CEP290: variants seen among roughly 807,000 people sequenced by gnomAD.
CEP290 encodes the protein centrosomal protein 290, also known as centrosomal protein of 290 kDa.
CEP290 carries 317 observed loss-of-function variants against 344.9 expected under a neutral mutation model. That is an observed-to-expected ratio of 0.92 (90% CI 0.84 to 1.01). The LOEUF is 1.01. CEP290 is among the 50% of genes least tolerant of loss of function. CEP290 has a pLI of 0.00. For missense variants in CEP290, 2,754 were observed against 2,761.4 expected (o/e 1.00, Z 0.06); for synonymous variants, 932 against 895.8 (o/e 1.04, Z -0.72).
At chr12:88,096,029 T>C (rs958877918) in intron 27 of CEP290, among the ~76,000 whole-genome samples, 1 of 143,980 alleles carries the variant, frequency 6.9e-6, no homozygotes, top group Non-Finnish European at 1.5e-5. Flanking sequence ...TAAGTATTTA[T>C]AAGTATGATG....
chr12:88,116,740 C>T (rs967222088), intron 18 of CEP290, among the ~76,000 whole-genome samples: 17 of 151,870 alleles, frequency 1.1e-4, no homozygotes, highest in African/African-American at 3.4e-4. Flanking sequence ...TTTGGGAGGC[C>T]GAGGCGGGCG....
rs2038312441 is a variant in CEP290 at position 88,106,781 on chromosome 12, A to G, written c.2711T>C (p.Val904Ala). 6.2e-7 allele frequency: 1 copy of G among 1,610,422 alleles called. No homozygotes were observed. Among genetic ancestry groups the G allele is most frequent in the Non-Finnish European group, 8.5e-7 (1 of 1,177,938 alleles). The change falls in exon 25 of 54, where the codon GTA becomes GCA. Residue 904 changes from valine (V) to alanine (A), a missense_variant. By Grantham distance (64) the Val-to-Ala change is moderately conservative (BLOSUM62 0). Transcript: ENST00000552810. ...KSLIRQYTTLVELERQLRKEN... is the reference protein window; with the variant it reads ...KSLIRQYTTLAELERQLRKEN... ...TTTTCTAAGTTGTCGCTCCAATTCTACTAAGGTTGTATATTGCCTTATAAG... is the reference window on the plus strand; with the variant it reads ...TTTTCTAAGTTGTCGCTCCAATTCTGCTAAGGTTGTATATTGCCTTATAAG...
rs748296011 is a variant in CEP290 at position 88,084,772 on chromosome 12, C to A, written c.4518G>T (p.Arg1506Ser). 1.2e-6 allele frequency: 2 copies of A among 1,613,384 alleles called. No homozygotes were observed. The highest frequency in any genetic ancestry group is 4.5e-5 in the East Asian group (2 of 44,862). ...TTTCTGCAGTGGCAGGCAATCGAAGCCTCAGTTCATTGATTACTTTGTCTC... is the reference window on the plus strand; with the variant it reads ...TTTCTGCAGTGGCAGGCAATCGAAGACTCAGTTCATTGATTACTTTGTCTC... ...LSRDKVINEL[R>S]LRLPATAERE... The change falls in exon 35 of 54, where the codon AGG becomes AGT. Residue 1506 changes from arginine to serine, a missense_variant. Physicochemically the swap from Arg to Ser is moderately radical, Grantham distance 110 (BLOSUM62 -1). Coordinates refer to ENST00000552810, the MANE Select transcript of CEP290 (RefSeq NM_025114.4).
At chr12:88,092,950 T>C in intron 28 of CEP290, 118 bp from the exon 29 acceptor site, 4 of 903,396 alleles carry the variant, frequency 4.4e-6, no homozygotes, top group Non-Finnish European at 6.9e-6. Flanking sequence ...CATATTATAT[T>C]AAGTGTGAAG....
chr12:88,077,877 T>C lies in CEP290; in HGVS notation c.5406A>G (p.Lys1802=). The C allele has an allele frequency of 7.1e-7, 1 of 1,409,420 alleles. No homozygotes were observed. The allele number at this position is 1,409,420 out of a possible 1,614,324, so 87.3% of individuals were successfully genotyped here. A position where few individuals can be genotyped will look rare whatever the true frequency, so the allele number is the denominator to read the frequency against. Residue 1802 remains lysine, a synonymous_variant, in exon 40 of 54, where the codon AAA becomes AAG. Transcript: ENST00000552810. ...EDLNENLLKL[K]EALKTSKNRE... is the part of the protein sequence containing the mutation. ...TGTTTTTACTTGTTTTAAGTGCTTC[T>C]TTCAATTTTAAAAGATTTTCATTTA...
At chr12:88,111,393 C>A (rs2038679090) in intron 21 of CEP290, 42 bp from the exon 22 acceptor site, 1 of 1,526,160 alleles carries the variant, frequency 6.6e-7, no homozygotes, top group East Asian at 2.4e-5. Flanking sequence ...AACTCTTACA[C>A]CCAAAGAAAG....
At position 88,060,835 on chromosome 12, in the gene CEP290, AT is replaced by A. The variant is rs1057519165; in HGVS notation, c.6516del (p.Lys2172AsnfsTer2). On this transcript the variant is annotated frameshift_variant, in exon 47 of 54. Coordinates refer to ENST00000552810, the MANE Select transcript of CEP290 (RefSeq NM_025114.4). LOFTEE classifies it high-confidence loss of function. ...KMANIEQENE[K>X]LKAELEKLKA... ...ATCACATTAAAAAAAATTACCTTCAATTTTTCATTTTCCTGCTCAATATTAG... is the reference window on the plus strand; with the variant it reads ...ATCACATTAAAAAAAATTACCTTCAATTTTCATTTTCCTGCTCAATATTAG... 7 of 1,519,924 alleles carry A rather than the reference AT, an allele frequency of 4.6e-6. No individual in the cohort carries two copies. The highest frequency in any genetic ancestry group is 6.2e-6 in the Non-Finnish European group (7 of 1,137,860). The allele number at this position is 1,519,924 out of a possible 1,614,324, so 94.2% of individuals were successfully genotyped here. A position where few individuals can be genotyped will look rare whatever the true frequency, so the allele number is the denominator to read the frequency against.
Position 88,128,974 on chromosome 12 carries a change from G to T in CEP290, c.914C>A (p.Ala305Asp). Residue 305 changes from alanine to aspartate, a missense_variant, in exon 11 of 54, where the codon GCT becomes GAT. Physicochemically the swap from Ala to Asp is moderately radical, Grantham distance 126 (BLOSUM62 -2). Coordinates refer to ENST00000552810, the MANE Select transcript of CEP290 (RefSeq NM_025114.4). ...CCATTCTTCTACTTTTGCATTGACA[G>T]CTACCATAATTGGATCATCTTCTTC... is the stretch of plus-strand genomic sequence containing the variant. ...KNEEDDPIMVAVNAKVEEWKL... is the reference protein window; with the variant it reads ...KNEEDDPIMVDVNAKVEEWKL... 1 of 1,536,148 alleles carries T rather than the reference G, an allele frequency of 6.5e-7. No individual in the cohort carries two copies. Among genetic ancestry groups the T allele is most frequent in the South Asian group, 1.3e-5 (1 of 75,064 alleles).
chr12:88,101,554 G>C (rs2037884696), intron 26 of CEP290, among the ~76,000 whole-genome samples: 1 of 150,460 alleles, frequency 6.6e-6, no homozygotes, highest in Non-Finnish European at 1.5e-5. Flanking sequence ...CTCAGAGGCT[G>C]AGGCAGGAGA....
At chr12:88,137,574 CTT>C (rs2040415721) in intron 5 of CEP290, among the ~76,000 whole-genome samples, 1 of 152,170 alleles carries the variant, frequency 6.6e-6, no homozygotes, top group Non-Finnish European at 1.5e-5. Context: ...TGTTCTTACT[CTT>C]TCTCTCCTCC....
intron 35 of CEP290, 144 bp from the exon 36 acceptor site, chr12:88,084,098 A>G (rs2036394313): frequency 1.7e-6 from 1 of 590,336 alleles, no homozygotes; most frequent in Non-Finnish European, 2.9e-6. Flanking sequence ...GTATGTATCT[A>G]GACTGGTATG....
intron 26 of CEP290, among the ~76,000 whole-genome samples, 197 bp downstream of exon 26, chr12:88,102,641 T>TA (rs2037979319): frequency 6.6e-6 from 1 of 151,260 alleles, no homozygotes; most frequent in Admixed American, 6.6e-5. Flanking sequence ...AGATAATATA[T>TA]TGTGTGTGTG....
At chr12:88,106,164 C>A (rs148638554) in intron 25 of CEP290, among the ~76,000 whole-genome samples, 1 of 152,074 alleles carries the variant, frequency 6.6e-6, no homozygotes, top group Admixed American at 6.5e-5. Context: ...AGTATTCTTG[C>A]CAAAAATGTT....
intron 49 of CEP290, among the ~76,000 whole-genome samples, chr12:88,057,522 C>A (rs898302107): frequency 6.6e-6 from 1 of 152,174 alleles, no homozygotes; most frequent in African/African-American, 2.4e-5. Flanking sequence ...GAAGAGACCC[C>A]TTCTCCCACT....
chr12:88,117,486 G>T (rs1481046268), intron 17 of CEP290, among the ~76,000 whole-genome samples: 1 of 152,164 alleles, frequency 6.6e-6, no homozygotes, highest in Non-Finnish European at 1.5e-5. Context: ...AATAAATCAT[G>T]AAGTTTTTTC....
At chr12:88,085,963 T>A in intron 34 of CEP290, 76 bp downstream of exon 34, 1 of 1,360,498 alleles carries the variant, frequency 7.4e-7, no homozygotes, top group Non-Finnish European at 1.0e-6. Context: ...ATTGCCCTCA[T>A]AAAGAAATAT....
intron 13 of CEP290, among the ~76,000 whole-genome samples, chr12:88,124,501 G>A (rs2137985284): frequency 6.6e-6 from 1 of 151,744 alleles, no homozygotes; most frequent in East Asian, 1.9e-4. Flanking sequence ...TATGTGCACG[G>A]AATCACTATT....
chr12:88,107,234 C>G (rs1269878732), intron 23 of CEP290, 136 bp from the exon 24 acceptor site: 1 of 499,956 alleles, frequency 2.0e-6, no homozygotes, highest in Non-Finnish European at 3.4e-6. Context: ...TCTGAAAACA[C>G]AAGAAGTTAA....
rs372640024 is a variant in CEP290, at chr12:88,089,468, G to A, written c.3593C>T (p.Ser1198Leu). 75 of 1,549,026 alleles carry A rather than the reference G, an allele frequency of 4.8e-5. 1 individual carries two copies. In the Middle Eastern group the frequency reaches 1.2e-3, roughly 24 times the overall value. ...ATGTTGGTGCAACTTGGCAATGAGC[G>A]ACTTTTCATCAGACTGTGCCTGATA... ...LDYQAQSDEK[S>L]LIAKLHQHNV... Residue 1198 changes from serine to leucine, a missense_variant, in exon 31 of 54, where the codon TCG (serine) becomes TTG (leucine). Physicochemically the swap from Ser to Leu is moderately radical, Grantham distance 145. Transcript: ENST00000552810.
Sources: gnomAD v4.1 joint callset for allele counts (sites outside exome capture counted in the v4.1 genomes callset) on GRCh38, gnomAD v4.1.1 for gene constraint, MANE v1.5 for transcripts, NCBI Gene and HGNC (gene_info 2026-07-23, HGNC 2026-07-21) for gene names.